Variants in DCC observed in about 807,000 individuals in gnomAD.
DCC encodes the protein netrin receptor DCC.
Under a neutral mutation model 172.5 loss-of-function variants are expected in DCC, and 58 were observed. That is an observed-to-expected ratio of 0.34 (90% CI 0.27 to 0.42). The LOEUF is 0.42. DCC is among the 10% of genes least tolerant of loss of function. DCC has a pLI of 1.00. For missense variants in DCC, 1,740 were observed against 1,791.0 expected (o/e 0.97, Z 0.51); for synonymous variants, 709 against 644.5 (o/e 1.10, Z -1.52).
chr18:53,447,801 T>A (rs1912707139), intron 22 of DCC, among the ~76,000 whole-genome samples: 1 of 152,190 alleles, frequency 6.6e-6, no homozygotes, highest in Admixed American at 6.5e-5. Flanking sequence ...ACTTTTTAAA[T>A]AATAAGTAAA....
intron 27 of DCC, among the ~76,000 whole-genome samples, chr18:53,516,401 A>C (rs994348033): frequency 1.5e-4 from 22 of 146,228 alleles, no homozygotes; most frequent in African/African-American, 5.8e-4. Context: ...CAAGGACTTC[A>C]TGTCGAAAAC....
At chr18:52,496,617 A>G (rs1389149912) in intron 1 of DCC, among the ~76,000 whole-genome samples, 1 of 152,066 alleles carries the variant, frequency 6.6e-6, no homozygotes, top group African/African-American at 2.4e-5. Context: ...TTTGCACTTC[A>G]TTTCTGGCCC....
At chr18:53,289,227 G>C (rs2056970853) in intron 12 of DCC, among the ~76,000 whole-genome samples, 1 of 152,094 alleles carries the variant, frequency 6.6e-6, no homozygotes. Context: ...CTCAAGTTTA[G>C]AAAGGAACAT....
Position 52,981,523 on chromosome 18 carries a change from G to GA in DCC, c.985+56164dup, listed in dbSNP as rs950240707. 5.2e-4 allele frequency among the ~76,000 whole-genome samples: 75 copies of GA among 145,446 alleles called. No homozygotes were observed. The Middle Eastern group carries it at 0.01, about 20-fold the overall frequency. On this transcript the variant is annotated intron_variant, in intron 5 of 28. Coordinates refer to ENST00000442544, the MANE Select transcript of DCC (RefSeq NM_005215.4). Reference sequence around the variant, plus strand: ...CCTGTTTTCTTTTCCATTCTGATTGGAAAAAAAAAAATTGTCCTTTGAAAA... The same window carrying GA: ...CCTGTTTTCTTTTCCATTCTGATTGGAAAAAAAAAAAATTGTCCTTTGAAAA...
intron 12 of DCC, among the ~76,000 whole-genome samples, chr18:53,302,029 C>T (rs1410903668): frequency 6.6e-6 from 1 of 152,168 alleles, no homozygotes; most frequent in Non-Finnish European, 1.5e-5. Context: ...GCTCACTTGG[C>T]TTATAGATGG....
At chr18:53,479,864 CACA>C (rs1261198582) in intron 25 of DCC, among the ~76,000 whole-genome samples, 1 of 152,178 alleles carries the variant, frequency 6.6e-6, no homozygotes, top group African/African-American at 2.4e-5. Context: ...TCTTAAACCT[CACA>C]ACATTTCCTA....
At position 53,279,910 on chromosome 18, in the gene DCC, A is replaced by G. The variant is rs77066723; in HGVS notation, c.1912-25668A>G. Among the ~76,000 whole-genome samples the G allele has an allele frequency of 2.9e-3, 437 of 152,158 alleles. 4 individuals carry two copies. Among genetic ancestry groups the G allele is most frequent in the African/African-American group, 9.9e-3 (411 of 41,534 alleles). ...TTGAGTGCACATAGACACAAAGACTAGAACAACGGACACTGGGGTCTACTT... is the reference window on the plus strand; with the variant it reads ...TTGAGTGCACATAGACACAAAGACTGGAACAACGGACACTGGGGTCTACTT... On this transcript the variant is annotated intron_variant, in intron 12 of 28. Coordinates refer to ENST00000442544, the MANE Select transcript of DCC (RefSeq NM_005215.4).
chr18:52,583,802 G>GA (rs2033610426), intron 1 of DCC, among the ~76,000 whole-genome samples: 2 of 152,142 alleles, frequency 1.3e-5, no homozygotes, highest in Non-Finnish European at 1.5e-5. Flanking sequence ...GAAAGGTTTG[G>GA]AAAAAATGTT....
At chr18:52,398,110 G>A (rs1055341204) in intron 1 of DCC, among the ~76,000 whole-genome samples, 3 of 148,706 alleles carry the variant, frequency 2.0e-5, no homozygotes, top group African/African-American at 7.4e-5. Context: ...TTGGGGTAAT[G>A]CTTTAACTTT....
At chr18:52,748,780 C>A (rs75573860) in intron 1 of DCC, among the ~76,000 whole-genome samples, 5,228 of 152,236 alleles carry the variant, frequency 0.034, 131 homozygotes, top group Admixed American at 0.049. Context: ...CATCTCTGGG[C>A]GGAGAGGCGA....
chr18:52,372,925 G>A (rs1985185957), intron 1 of DCC, among the ~76,000 whole-genome samples: 1 of 152,126 alleles, frequency 6.6e-6, no homozygotes, highest in African/African-American at 2.4e-5. Flanking sequence ...GGAAAATGCA[G>A]TGCATTTTGC....
At chr18:53,419,952 C>G (rs1262884192) in intron 21 of DCC, among the ~76,000 whole-genome samples, 1 of 152,088 alleles carries the variant, frequency 6.6e-6, no homozygotes, top group Non-Finnish European at 1.5e-5. Flanking sequence ...CTCCCAGGTT[C>G]AAGCGATTCT....
intron 22 of DCC, among the ~76,000 whole-genome samples, chr18:53,448,007 A>G (rs1012440694): frequency 6.7e-6 from 1 of 150,110 alleles, no homozygotes; most frequent in African/African-American, 2.4e-5. Context: ...TCTGTTTCCA[A>G]TAATAATGAA....
At chr18:52,403,196 A>T (rs1232877699) in intron 1 of DCC, among the ~76,000 whole-genome samples, 1 of 152,120 alleles carries the variant, frequency 6.6e-6, no homozygotes, top group African/African-American at 2.4e-5. Context: ...TTTAAGAAAC[A>T]TCTCTACAAG....
At chr18:53,058,766 A>G (rs1471073370) in intron 5 of DCC, among the ~76,000 whole-genome samples, 1 of 152,196 alleles carries the variant, frequency 6.6e-6, no homozygotes, top group African/African-American at 2.4e-5. Context: ...TAGTGTCAAG[A>G]TAAAGCACAT....
chr18:52,825,397 A>T lies in DCC; in HGVS notation c.412+73023A>T, dbSNP rs573464614. 4.6e-5 allele frequency among the ~76,000 whole-genome samples: 7 copies of T among 152,256 alleles called. No individual in the cohort carries two copies. In the East Asian group the frequency reaches 1.4e-3, roughly 29 times the overall value. ...CTCTTATTAAAAATAAAATTAAGCA[A>T]CTCCTATTCCTCTTAAATTTCTATT... On this transcript the variant is annotated intron_variant, in intron 2 of 28. Transcript: ENST00000442544.
At chr18:52,702,593 A>T (rs1296702682) in intron 1 of DCC, among the ~76,000 whole-genome samples, 1 of 152,128 alleles carries the variant, frequency 6.6e-6, no homozygotes, top group Non-Finnish European at 1.5e-5. Flanking sequence ...CCAAGAAAGT[A>T]CTGGACTCCC....
intron 2 of DCC, among the ~76,000 whole-genome samples, chr18:52,773,186 A>G (rs946051656): frequency 6.6e-6 from 1 of 152,340 alleles, no homozygotes; most frequent in Admixed American, 6.5e-5. Flanking sequence ...AATCCCTGAA[A>G]ACTATAGCCT....
At chr18:53,407,556 T>TA (rs1192623109) in intron 19 of DCC, among the ~76,000 whole-genome samples, 4 of 140,386 alleles carry the variant, frequency 2.8e-5, no homozygotes, top group South Asian at 2.2e-4. Flanking sequence ...TATATATATA[T>TA]TCACTATTAC....
Sources: allele counts gnomAD v4.1 joint callset (sites outside exome capture counted in the v4.1 genomes callset), GRCh38; gene constraint gnomAD v4.1.1; transcripts MANE v1.5; gene names NCBI Gene and HGNC (gene_info 2026-07-23, HGNC 2026-07-21).